The following TMEM45B variants were observed in gnomAD, a reference collection of about 807,000 sequenced individuals.
TMEM45B encodes the protein transmembrane protein 45B.
TMEM45B carries 29 observed loss-of-function variants against 27.3 expected under a neutral mutation model. The ratio of observed to expected loss-of-function variants is 1.06; its 90% confidence interval spans 0.79 to 1.45. The LOEUF (loss-of-function observed/expected upper bound fraction) is 1.45, where lower values mean the gene tolerates loss of function less well. TMEM45B is among the 40% of genes most tolerant of loss of function. TMEM45B has a pLI of 0.00. For synonymous variants in TMEM45B, 143 were observed against 134.7 expected (o/e 1.06, Z -0.43); for missense variants, 348 against 343.9 (o/e 1.01, Z -0.09).
rs1048529687 is a variant in TMEM45B, at chr11:129,859,905, GAT to G, written c.*1223_*1224del. 5.9e-5 allele frequency: 9 copies of G among 152,574 alleles called. No individual in the cohort carries two copies. The highest frequency in any genetic ancestry group is 2.2e-4 in the African/African-American group (9 of 41,438). The allele number at this position is 152,574 out of a possible 1,614,324, so 9.5% of individuals were successfully genotyped here. The stretch of plus-strand genomic sequence containing the variant: ...CTGAAATGGCTGTAAGGACTCCTGA[GAT>G]ATGTGTCCAGCAAGGAGTTTACAGT... On this transcript the variant is annotated 3_prime_UTR_variant, in exon 6 of 6. Transcript: ENST00000281441.
chr11:129,845,483 T>A (rs1011210527), intron 1 of TMEM45B, among the ~76,000 whole-genome samples: 14 of 152,110 alleles, frequency 9.2e-5, no homozygotes, highest in Admixed American at 2.6e-4. Context: ...AGATGCATAC[T>A]ATAATCCCTA....
chr11:129,854,589 T>C, intron 2 of TMEM45B, 21 bp from the exon 3 acceptor site: 2 of 1,612,734 alleles, frequency 1.2e-6, no homozygotes, highest in Non-Finnish European at 1.7e-6. Flanking sequence ...CTCTAAAACA[T>C]CCATCCTCAT....
chr11:129,843,042 C>T lies in TMEM45B; in HGVS notation c.-8-9433C>T, dbSNP rs12576422. ...GTAACCTCCGCCTCTCAGGTTCAAG[C>T]GATTCTTCTGCCTCAGCCTCCCGAG... On this transcript the variant is annotated intron_variant, in intron 1 of 5. Coordinates refer to ENST00000281441, the MANE Select transcript of TMEM45B (RefSeq NM_138788.5). 0.032 allele frequency among the ~76,000 whole-genome samples: 4,864 copies of T among 152,280 alleles called. 472 individuals carry two copies. The East Asian group carries it at 0.33, about 10-fold the overall frequency.
At chr11:129,833,262 A>T (rs1236544267) in intron 1 of TMEM45B, among the ~76,000 whole-genome samples, 163 of 151,804 alleles carry the variant, frequency 1.1e-3, no homozygotes, top group Non-Finnish European at 2.0e-3. Flanking sequence ...GAAAAATAAA[A>T]AAAAAAAAAG....
At chr11:129,857,233 T>C (rs935936277) in intron 4 of TMEM45B, 80 bp from the exon 5 acceptor site, 2 of 1,547,428 alleles carry the variant, frequency 1.3e-6, no homozygotes, top group Non-Finnish European at 1.8e-6. Context: ...CATGGGCCAC[T>C]TCGGTGGCCA....
rs1565376433 is a variant in TMEM45B at position 129,858,661 on chromosome 11, C to T, written c.804C>T (p.Leu268=). 1.3e-6 allele frequency: 2 copies of T among 1,566,150 alleles called. No homozygotes were observed. The highest frequency in any genetic ancestry group is 1.7e-6 in the Non-Finnish European group (2 of 1,153,766). The change falls in exon 6 of 6, where the codon CTC becomes CTT. Residue 268 remains leucine, a synonymous_variant. Transcript: ENST00000281441. ...CAGATGACACTTACCAGACCGCCCT[C>T]TTGAGTGGCTCAGATGAGGAATGAG... is the stretch of plus-strand genomic sequence containing the variant. ...LNSDDTYQTA[L]LSGSDEE is the part of the protein sequence containing the mutation.
intron 1 of TMEM45B, among the ~76,000 whole-genome samples, chr11:129,816,868 G>A (rs1401328828): frequency 6.7e-6 from 1 of 149,754 alleles, no homozygotes; most frequent in Non-Finnish European, 1.5e-5. Context: ...CTCCCGAGTA[G>A]CTAGGACTAC....
intron 5 of TMEM45B, 90 bp from the exon 6 acceptor site, chr11:129,858,484 T>C (rs916713688): frequency 3.7e-6 from 3 of 800,864 alleles, no homozygotes; most frequent in Non-Finnish European, 6.0e-6. Context: ...ATAAAGAAAA[T>C]AGTTTAAGAA....
At chr11:129,834,229 G>A (rs1326440442) in intron 1 of TMEM45B, among the ~76,000 whole-genome samples, 22 of 152,018 alleles carry the variant, frequency 1.4e-4, no homozygotes, top group African/African-American at 4.3e-4. Flanking sequence ...TCAGGAGTTC[G>A]AGACCAGCCT....
intron 1 of TMEM45B, among the ~76,000 whole-genome samples, chr11:129,850,899 C>G (rs1463568823): frequency 6.6e-6 from 1 of 152,188 alleles, no homozygotes; most frequent in Non-Finnish European, 1.5e-5. Context: ...AGCTTGTATT[C>G]ATTATCCAGT....
chr11:129,826,548 C>CAAA (rs1555069241), intron 1 of TMEM45B, among the ~76,000 whole-genome samples: 354 of 17,762 alleles, frequency 0.02, 16 homozygotes, highest in African/African-American at 0.063. Flanking sequence ...GACTCTGTCA[C>CAAA]AAAAAAAAAA....
intron 1 of TMEM45B, among the ~76,000 whole-genome samples, chr11:129,838,739 C>T (rs967009868): frequency 1.3e-5 from 2 of 152,156 alleles, no homozygotes; most frequent in African/African-American, 4.8e-5. Flanking sequence ...TAACTCTCCA[C>T]CTCTGGGAGC....
chr11:129,838,753 G>C (rs149988954), intron 1 of TMEM45B, among the ~76,000 whole-genome samples: 19 of 152,298 alleles, frequency 1.2e-4, no homozygotes, highest in African/African-American at 4.6e-4. Flanking sequence ...TGGGAGCAAC[G>C]TAATGTTAGA....
chr11:129,858,654 C>A lies in TMEM45B; in HGVS notation c.797C>A (p.Thr266Asn). 1 of 1,570,536 alleles carries A rather than the reference C, an allele frequency of 6.4e-7. No individual in the cohort carries two copies. Among genetic ancestry groups the A allele is most frequent in the Admixed American group, 1.9e-5 (1 of 53,248 alleles). Reference sequence around the variant, plus strand: ...CTGAATTCAGATGACACTTACCAGACCGCCCTCTTGAGTGGCTCAGATGAG... The same window carrying A: ...CTGAATTCAGATGACACTTACCAGAACGCCCTCTTGAGTGGCTCAGATGAG... ...QKLNSDDTYQTALLSGSDEE is the reference protein window; with the variant it reads ...QKLNSDDTYQNALLSGSDEE Residue 266 changes from threonine (T) to asparagine (N), a missense_variant, in exon 6 of 6, where the codon ACC becomes AAC. Transcript: ENST00000281441.
At chr11:129,823,526 C>T (rs1345359210) in intron 1 of TMEM45B, among the ~76,000 whole-genome samples, 1 of 152,196 alleles carries the variant, frequency 6.6e-6, no homozygotes, top group Admixed American at 6.5e-5. Context: ...ATAACAGGTA[C>T]TTGATAAATG....
At chr11:129,853,402 T>C (rs1947876750) in intron 2 of TMEM45B, among the ~76,000 whole-genome samples, 1 of 152,020 alleles carries the variant, frequency 6.6e-6, no homozygotes, top group Non-Finnish European at 1.5e-5. Context: ...TTGGAGAGAG[T>C]GAAGCAACAT....
chr11:129,840,945 G>A lies in TMEM45B; in HGVS notation c.-8-11530G>A, dbSNP rs1425463980. Among the ~76,000 whole-genome samples the A allele has an allele frequency of 1.1e-3, 30 of 26,388 alleles. No homozygotes were observed. In the South Asian group the frequency reaches 0.04, roughly 35 times the overall value. The allele number at this position is 26,388 out of a possible 152,430, so 17.3% of individuals were successfully genotyped here. ...ACAAAGAGGCAGGCAATTTCTTTCT[G>A]TAAAAAAAAAAAAAAAAAAAAAAAA... On this transcript the variant is annotated intron_variant, in intron 1 of 5. Transcript: ENST00000281441.
At position 129,847,426 on chromosome 11, in the gene TMEM45B, T is replaced by TATTTTTTTTA; in HGVS notation, c.-8-5046_-8-5045insTTTTTTAATT. Among the ~76,000 whole-genome samples, 12 of 151,220 alleles carry TATTTTTTTTA rather than the reference T, an allele frequency of 7.9e-5. No homozygotes were observed. In the East Asian group the frequency reaches 1.4e-3, roughly 17 times the overall value. Reference sequence around the variant, plus strand: ...GAAGTTATTTTTTTTTATTTTTTTTTATTGATCATTCTTGGGTGTTTCTCG... The same window carrying TATTTTTTTTA: ...GAAGTTATTTTTTTTTATTTTTTTTTATTTTTTTTAATTGATCATTCTTGGGTGTTTCTCG... On this transcript the variant is annotated intron_variant, in intron 1 of 5. Transcript: ENST00000281441.
chr11:129,853,963 C>T (rs1319863571), intron 2 of TMEM45B, among the ~76,000 whole-genome samples: 1 of 152,192 alleles, frequency 6.6e-6, no homozygotes, highest in African/African-American at 2.4e-5. Flanking sequence ...TAAGAGCTAT[C>T]CTGTGTCGCA....
Sources: allele counts gnomAD v4.1 joint callset (sites outside exome capture counted in the v4.1 genomes callset), GRCh38; gene constraint gnomAD v4.1.1; transcripts MANE v1.5; gene names NCBI Gene and HGNC (gene_info 2026-07-23, HGNC 2026-07-21).